Variants in WAPL observed in about 807,000 individuals in gnomAD.
The protein encoded by WAPL is wings apart-like protein homolog.
WAPL carries 5 observed loss-of-function variants against 121.0 expected under a neutral mutation model. The observed-to-expected ratio is 0.04, with a 90% CI of 0.02 to 0.09. The LOEUF (loss-of-function observed/expected upper bound fraction) is 0.09. WAPL is among the 10% of genes least tolerant of loss of function. The pLI is 1.00. For synonymous variants in WAPL, 480 were observed against 481.5 expected, an observed-to-expected ratio of 1.00 and a Z score of 0.04; for missense variants, 999 against 1,410.8, an observed-to-expected ratio of 0.71 and a Z score of 4.68.
At chr10:86,485,942 T>C (rs1484233922) in intron 4 of WAPL, among the ~76,000 whole-genome samples, 1 of 152,172 alleles carries the variant, frequency 6.6e-6, no homozygotes, top group African/African-American at 2.4e-5. Flanking sequence ...CTCTCTTCCA[T>C]ACCTAGGCCC....
chr10:86,512,414 T>C (rs1462716262), intron 2 of WAPL, among the ~76,000 whole-genome samples: 1 of 152,212 alleles, frequency 6.6e-6, no homozygotes, highest in East Asian at 1.9e-4. Context: ...CAAGCCGAAA[T>C]ATAAGTCTTT....
In WAPL at chr10:86,440,433, G is replaced by A. The variant is rs184619763; in HGVS notation, c.3412-2418C>T. On this transcript the variant is annotated intron_variant, in intron 17 of 18. Coordinates refer to ENST00000298767, the MANE Select transcript of WAPL (RefSeq NM_015045.5). The stretch of plus-strand genomic sequence containing the variant: ...CTCCCGAGTAGCTGGGACTACAGGT[G>A]CCCACCACCACGCCCGGCTAATTTT... 7.5e-3 allele frequency among the ~76,000 whole-genome samples: 1,126 copies of A among 149,532 alleles called. 18 individuals carry two copies. Among genetic ancestry groups the A allele is most frequent in the African/African-American group, 0.027 (1,074 of 40,470 alleles).
At chr10:86,482,142 G>C (rs1390769967) in intron 4 of WAPL, among the ~76,000 whole-genome samples, 3 of 152,150 alleles carry the variant, frequency 2.0e-5, no homozygotes, top group Non-Finnish European at 4.4e-5. Flanking sequence ...TAGTGGAATG[G>C]GCAAAGCAAT....
intron 3 of WAPL, among the ~76,000 whole-genome samples, chr10:86,499,175 A>C (rs1000003930): frequency 3.3e-5 from 5 of 152,220 alleles, no homozygotes; most frequent in Admixed American, 3.3e-4. Context: ...TAAAACTCAA[A>C]TATGAAGACT....
At chr10:86,490,932 G>A (rs1290402545) in intron 4 of WAPL, among the ~76,000 whole-genome samples, 1 of 151,402 alleles carries the variant, frequency 6.6e-6, no homozygotes, top group Non-Finnish European at 1.5e-5. Flanking sequence ...GCATGGTGGT[G>A]CATGCCTGTA....
intron 3 of WAPL, 132 bp downstream of exon 3, chr10:86,499,586 T>A: frequency 3.6e-6 from 3 of 831,752 alleles, no homozygotes; most frequent in Non-Finnish European, 5.3e-6. Context: ...GTGAATGGGA[T>A]CTTTATCTTA....
chr10:86,442,312 A>G (rs1365847688), intron 17 of WAPL, among the ~76,000 whole-genome samples: 2 of 152,252 alleles, frequency 1.3e-5, no homozygotes, highest in African/African-American at 4.8e-5. Flanking sequence ...GATTACAGGC[A>G]TGAGCCACCA....
chr10:86,482,306 T>C (rs1297823789), intron 4 of WAPL, among the ~76,000 whole-genome samples: 1 of 152,246 alleles, frequency 6.6e-6, no homozygotes, highest in Non-Finnish European at 1.5e-5. Context: ...CTGAAGATTA[T>C]GTGTGAATTC....
chr10:86,495,342 C>T (rs1022046008), intron 4 of WAPL, among the ~76,000 whole-genome samples: 1 of 152,054 alleles, frequency 6.6e-6, no homozygotes, highest in African/African-American at 2.4e-5. Flanking sequence ...TAATGCACGC[C>T]TGTAGTCCCA....
At chr10:86,518,608 T>G (rs1009546002) in intron 1 of WAPL, among the ~76,000 whole-genome samples, 2 of 152,172 alleles carry the variant, frequency 1.3e-5, no homozygotes, top group African/African-American at 4.8e-5. Flanking sequence ...CTTGAGAAGC[T>G]GGAGCAGAAG....
intron 4 of WAPL, among the ~76,000 whole-genome samples, chr10:86,480,955 C>T (rs1399400451): frequency 4.6e-5 from 7 of 152,176 alleles, no homozygotes; most frequent in Admixed American, 4.6e-4. Flanking sequence ...GATAAACAAC[C>T]AGAGACTGGT....
chr10:86,516,554 G>A (rs1842559875), intron 2 of WAPL, among the ~76,000 whole-genome samples: 1 of 151,896 alleles, frequency 6.6e-6, no homozygotes, highest in South Asian at 2.1e-4. Flanking sequence ...TTCAATTACA[G>A]TATACTGCCA....
chr10:86,488,904 G>C (rs971455928), intron 4 of WAPL, among the ~76,000 whole-genome samples: 1 of 152,196 alleles, frequency 6.6e-6, no homozygotes, highest in Admixed American at 6.5e-5. Flanking sequence ...GCCAAAACTA[G>C]GGGGTGAAGT....
chr10:86,486,618 T>C (rs1158154851), intron 4 of WAPL, among the ~76,000 whole-genome samples: 3 of 152,130 alleles, frequency 2.0e-5, no homozygotes, highest in African/African-American at 7.2e-5. Flanking sequence ...AGACAAAAGA[T>C]AGTGCTAGAA....
intron 15 of WAPL, 74 bp downstream of exon 15, chr10:86,451,893 G>A: frequency 1.3e-6 from 2 of 1,547,074 alleles, no homozygotes; most frequent in Non-Finnish European, 1.8e-6. Context: ...GAGGTAAAAG[G>A]TGCAAATGAT....
intron 4 of WAPL, among the ~76,000 whole-genome samples, chr10:86,491,626 T>C (rs1196191733): frequency 6.6e-6 from 1 of 151,974 alleles, no homozygotes; most frequent in Non-Finnish European, 1.5e-5. Flanking sequence ...AGCCATCTTA[T>C]TGTACAGAAG....
intron 2 of WAPL, among the ~76,000 whole-genome samples, chr10:86,515,097 T>G (rs560719279): frequency 9.2e-5 from 14 of 151,554 alleles, no homozygotes; most frequent in African/African-American, 3.4e-4. Flanking sequence ...CCGTCTCTAC[T>G]AAAAATACAA....
intron 9 of WAPL, among the ~76,000 whole-genome samples, chr10:86,463,334 C>T (rs530325302): frequency 8.5e-5 from 13 of 152,174 alleles, no homozygotes; most frequent in Non-Finnish European, 1.6e-4. Flanking sequence ...AGGAGGTATT[C>T]CAAGACAAGA....
At chr10:86,447,012 C>A (rs1849639358) in intron 15 of WAPL, among the ~76,000 whole-genome samples, 1 of 152,148 alleles carries the variant, frequency 6.6e-6, no homozygotes, top group Non-Finnish European at 1.5e-5. Context: ...TTATAGAGAG[C>A]AGCAATTCTC....
Sources: gnomAD v4.1 joint callset for allele counts (sites outside exome capture counted in the v4.1 genomes callset) on GRCh38, gnomAD v4.1.1 for gene constraint, MANE v1.5 for transcripts, NCBI Gene and HGNC (gene_info 2026-07-23, HGNC 2026-07-21) for gene names.